SLC45A3: variants seen among roughly 807,000 people sequenced by gnomAD.
SLC45A3 encodes solute carrier family 45 member 3, also known as prostate cancer associated protein 2.
SLC45A3 carries 17 observed loss-of-function variants against 35.3 expected under a neutral mutation model. The ratio of observed to expected loss-of-function variants is 0.48; its 90% CI spans 0.33 to 0.72. SLC45A3 has a LOEUF of 0.72. Among genes scored for constraint, SLC45A3 ranks in the 30% least tolerant of loss-of-function variants. The pLI is 0.02. For synonymous variants in SLC45A3, 288 were observed against 334.3 expected (o/e 0.86, Z 1.51); for missense variants, 597 against 731.7 (o/e 0.82, Z 2.12).
At chr1:205,668,377 G>C (rs1671152561) in intron 1 of SLC45A3, among the ~76,000 whole-genome samples, 1 of 152,072 alleles carries the variant, frequency 6.6e-6, no homozygotes, top group Non-Finnish European at 1.5e-5. Context: ...TCAGTTGTCA[G>C]GCTCAGGGAG....
intron 1 of SLC45A3, among the ~76,000 whole-genome samples, chr1:205,676,726 G>C (rs1049557187): frequency 2.0e-5 from 3 of 152,328 alleles, no homozygotes; most frequent in Middle Eastern, 3.4e-3. Flanking sequence ...GGATTCAACA[G>C]GAAGTTCTGG....
chr1:205,662,156 G>T lies in SLC45A3; in HGVS notation c.959-30C>A, dbSNP rs1345550333. 6.3e-7 allele frequency: 1 copy of T among 1,598,382 alleles called. No homozygotes were observed. Among genetic ancestry groups the T allele is most frequent in the Non-Finnish European group, 8.5e-7 (1 of 1,170,948 alleles). On this transcript the variant is annotated intron_variant, in intron 3 of 4. Transcript: ENST00000367145. This position sits in a 1 kb window ranked among gnomAD's most constrained non-coding sequence, Gnocchi z 6.2. ...AGAGGGAGAGGGGCCATCAGACAGAGCCTGGGAGGGAAGGGTCGGAGCAGT... is the reference window on the plus strand; with the variant it reads ...AGAGGGAGAGGGGCCATCAGACAGATCCTGGGAGGGAAGGGTCGGAGCAGT...
intron 1 of SLC45A3, among the ~76,000 whole-genome samples, chr1:205,668,531 T>C (rs57021717): frequency 0.031 from 4,705 of 152,220 alleles, 133 homozygotes; most frequent in African/African-American, 0.075. Context: ...GGAACTCCCC[T>C]GTCCTCCTGG....
At chr1:205,677,926 A>C (rs978980565) in intron 1 of SLC45A3, among the ~76,000 whole-genome samples, 1 of 152,212 alleles carries the variant, frequency 6.6e-6, no homozygotes, top group South Asian at 2.1e-4. Context: ...AGTAAGTATT[A>C]TCATTCCCAT....
At position 205,662,465 on chromosome 1, in the gene SLC45A3, C is replaced by T. The variant is rs967088077; in HGVS notation, c.959-339G>A. On this transcript the variant is annotated intron_variant, in intron 3 of 4. Coordinates refer to ENST00000367145, the MANE Select transcript of SLC45A3 (RefSeq NM_033102.3). The surrounding 1 kb of genome is among the most constrained non-coding windows in gnomAD (Gnocchi z 6.2). ...CTTCTAGGACGCCTGAGCTGGAAGG[C>T]GCTGGTGAGATTATTTGGAAAGTCG... is the stretch of plus-strand genomic sequence containing the variant. 3.1e-6 allele frequency: 4 copies of T among 1,289,888 alleles called. No individual in the cohort carries two copies. Among genetic ancestry groups the T allele is most frequent in the African/African-American group, 3.0e-5 (2 of 66,806 alleles). The allele number at this position is 1,289,888 out of a possible 1,614,324, so 79.9% of individuals were successfully genotyped here. A position where few individuals can be genotyped will look rare whatever the true frequency, so the allele number is the denominator to read the frequency against.
At position 205,663,060 on chromosome 1, in the gene SLC45A3, C is replaced by A. The variant is rs938014311; in HGVS notation, c.731G>T (p.Cys244Phe). 6.2e-7 allele frequency: 1 copy of A among 1,607,220 alleles called. No individual in the cohort carries two copies. Among genetic ancestry groups the A allele is most frequent in the Admixed American group, 1.7e-5 (1 of 59,628 alleles). Residue 244 changes from cysteine (C) to phenylalanine (F), a missense_variant, in exon 3 of 5, where the codon TGC becomes TTC. This residue lies in a region of SLC45A3 where 555 missense variants were observed against 664.9 expected (regional missense o/e 0.83). Transcript: ENST00000367145. Reference sequence around the variant, plus strand: ...GTTCCGGAAAGCCAAGCGGGCCCGGCATGGACAGCAGTGGGGCGACAAGGA... The same window carrying A: ...GTTCCGGAAAGCCAAGCGGGCCCGGAATGGACAGCAGTGGGGCGACAAGGA... ...APSLSPHCCP[C>F]RARLAFRNLG...
At chr1:205,676,161 A>C (rs1205793649) in intron 1 of SLC45A3, among the ~76,000 whole-genome samples, 3 of 152,166 alleles carry the variant, frequency 2.0e-5, no homozygotes, top group Non-Finnish European at 4.4e-5. Context: ...CTAAATTGCC[A>C]CATCCCTAGG....
intron 1 of SLC45A3, among the ~76,000 whole-genome samples, chr1:205,679,940 C>T (rs1439856139): frequency 6.6e-6 from 1 of 151,976 alleles, no homozygotes; most frequent in Non-Finnish European, 1.5e-5. Context: ...TCCGGTGAAG[C>T]CCAGACAAGA....
In SLC45A3 at chr1:205,664,728, AGAAGCTGCG is replaced by A; in HGVS notation, c.-81_-73del. Reference sequence around the variant, plus strand: ...AACTGCTTCGTCTCGGCTCTGCTCCAGAAGCTGCGGCCTCTCCTCCTTGCTGCCGCCAAC... The same window carrying A: ...AACTGCTTCGTCTCGGCTCTGCTCCAGCCTCTCCTCCTTGCTGCCGCCAAC... On this transcript the variant is annotated 5_prime_UTR_variant, in exon 2 of 5. Transcript: ENST00000367145. This position sits in a 1 kb window ranked among gnomAD's most constrained non-coding sequence, Gnocchi z 5.3. 4.5e-6 allele frequency: 7 copies of A among 1,558,172 alleles called. No homozygotes were observed. In the East Asian group the frequency reaches 1.4e-4, roughly 30 times the overall value.
intron 1 of SLC45A3, among the ~76,000 whole-genome samples, chr1:205,667,514 A>G (rs1671139307): frequency 6.6e-6 from 1 of 151,580 alleles, no homozygotes; most frequent in Admixed American, 6.6e-5. Flanking sequence ...TCAAATAAAA[A>G]TAAATACATA....
intron 1 of SLC45A3, among the ~76,000 whole-genome samples, chr1:205,668,843 G>A (rs1413571442): frequency 6.6e-6 from 1 of 152,136 alleles, no homozygotes; most frequent in African/African-American, 2.4e-5. Context: ...TAAGGCCTCT[G>A]GGAACCTTTC....
At chr1:205,661,222 C>T (rs1465383645) in intron 4 of SLC45A3, among the ~76,000 whole-genome samples, 1 of 152,134 alleles carries the variant, frequency 6.6e-6, no homozygotes, top group African/African-American at 2.4e-5. Context: ...AAGGAGGTCC[C>T]CACAACTTAC....
intron 1 of SLC45A3, among the ~76,000 whole-genome samples, chr1:205,673,751 C>G (rs752772249): frequency 9.2e-5 from 14 of 152,198 alleles, no homozygotes; most frequent in Non-Finnish European, 1.9e-4. Context: ...ACTCAGTACT[C>G]TGCAAGTGTG....
intron 1 of SLC45A3, among the ~76,000 whole-genome samples, chr1:205,672,369 G>A (rs960698224): frequency 2.0e-5 from 3 of 152,200 alleles, no homozygotes; most frequent in Admixed American, 1.3e-4. Context: ...AGGCTGAGAA[G>A]GGAGGTAGAA....
chr1:205,672,982 T>G (rs1671244500), intron 1 of SLC45A3, among the ~76,000 whole-genome samples: 1 of 152,142 alleles, frequency 6.6e-6, no homozygotes, highest in Non-Finnish European at 1.5e-5. Context: ...ATCCCTACTT[T>G]GTATTTGGAC....
chr1:205,662,973 C>T lies in SLC45A3; in HGVS notation c.818G>A (p.Arg273Gln), dbSNP rs571487572. 1.7e-5 allele frequency: 28 copies of T among 1,613,568 alleles called. No homozygotes were observed. The South Asian group carries it at 2.0e-4, about 11-fold the overall frequency. The stretch of plus-strand genomic sequence containing the variant: ...GCTGCACAGCTCAGCCACGAAGAGC[C>T]GGCGCAGGGTGCGGGGCATGCGGCA... ...LCCRMPRTLR[R>Q]LFVAELCSWM... is the part of the protein sequence containing the mutation. The change falls in exon 3 of 5, where the codon CGG becomes CAG. Residue 273 changes from arginine (R) to glutamine (Q), a missense_variant. By Grantham distance (43) the Arg-to-Gln change is conservative. Coordinates refer to ENST00000367145, the MANE Select transcript of SLC45A3 (RefSeq NM_033102.3). This position sits in a 1 kb window ranked among gnomAD's most constrained non-coding sequence, Gnocchi z 6.2.
In SLC45A3 at chr1:205,666,846, G is replaced by A. The variant is rs1671127250; in HGVS notation, c.-230-1960C>T. 6.6e-6 allele frequency among the ~76,000 whole-genome samples: 1 copy of A among 152,212 alleles called. No homozygotes were observed. On this transcript the variant is annotated intron_variant, in intron 1 of 4. Coordinates refer to ENST00000367145, the MANE Select transcript of SLC45A3 (RefSeq NM_033102.3). The surrounding 1 kb of genome is among the most constrained non-coding windows in gnomAD (Gnocchi z 4.1). The stretch of plus-strand genomic sequence containing the variant: ...CCCCCAAGAAGGAAAGCAGGAGACA[G>A]CACAGAGACCAAGAGGCAGTGCTAT...
chr1:205,659,036 T>G lies in SLC45A3; in HGVS notation c.*198A>C, dbSNP rs953503669. ...CCTCCAGTCAGGCAGCCCTAGAGAC[T>G]GGGGAGAGAGGAGAGGGACGCCCCA... On this transcript the variant is annotated 3_prime_UTR_variant, in exon 5 of 5. Transcript: ENST00000367145. The surrounding 1 kb of genome is among the most constrained non-coding windows in gnomAD (Gnocchi z 5.8). 1.6e-6 allele frequency: 1 copy of G among 606,784 alleles called. No homozygotes were observed. 37.6% of individuals were successfully genotyped at this position (606,784 alleles called of 1,614,324 possible). A position where few individuals can be genotyped will look rare whatever the true frequency, so the allele number is the denominator to read the frequency against.
intron 1 of SLC45A3, among the ~76,000 whole-genome samples, chr1:205,665,378 C>G (rs76376706): frequency 0.017 from 2,569 of 152,298 alleles, 24 homozygotes; most frequent in Middle Eastern, 0.051. Context: ...TGCACCACAA[C>G]CCCTAACCCC....
Sources: allele counts gnomAD v4.1 joint callset (sites outside exome capture counted in the v4.1 genomes callset), GRCh38; gene constraint gnomAD v4.1.1; regional missense constraint gnomAD v4.1.1; non-coding constraint Gnocchi (gnomAD v3.1); transcripts MANE v1.5; gene names NCBI Gene and HGNC (gene_info 2026-07-23, HGNC 2026-07-21).